Variants in GRIN2B observed in about 807,000 individuals in gnomAD.
GRIN2B encodes glutamate ionotropic receptor NMDA type subunit 2B.
In GRIN2B, 5 loss-of-function variants were observed where a neutral mutation model predicts 114.5. The observed-to-expected ratio is 0.04, with a 90% confidence interval of 0.02 to 0.09. The LOEUF (loss-of-function observed/expected upper bound fraction) is 0.09, where lower values mean the gene tolerates loss of function less well. Ranked by LOEUF, GRIN2B falls within the 10% of genes least tolerant of loss-of-function variation. The pLI is 1.00. For missense variants in GRIN2B, 1,108 were observed against 1,943.5 expected, an observed-to-expected ratio of 0.57 and a Z score of 8.08; for synonymous variants, 787 against 745.1, an observed-to-expected ratio of 1.06 and a Z score of -0.92.
At chr12:13,927,772 A>G (rs1866943617) in intron 2 of GRIN2B, among the ~76,000 whole-genome samples, 1 of 149,068 alleles carries the variant, frequency 6.7e-6, no homozygotes, top group Non-Finnish European at 1.5e-5. Context: ...TGGGCTACAT[A>G]ATGAGACCCC....
At chr12:13,963,773 A>T (rs1007686812) in intron 2 of GRIN2B, among the ~76,000 whole-genome samples, 3 of 152,154 alleles carry the variant, frequency 2.0e-5, no homozygotes, top group African/African-American at 7.2e-5. Context: ...TTACTTCTAG[A>T]TGTTGAATAT....
chr12:13,697,157 C>T (rs1204753593), intron 4 of GRIN2B, among the ~76,000 whole-genome samples: 3 of 152,160 alleles, frequency 2.0e-5, no homozygotes, highest in Non-Finnish European at 4.4e-5. Flanking sequence ...CAAGTTTGCT[C>T]TAAGATGTAA....
At chr12:13,902,019 G>T (rs1035450034) in intron 2 of GRIN2B, among the ~76,000 whole-genome samples, 10 of 152,028 alleles carry the variant, frequency 6.6e-5, no homozygotes, top group African/African-American at 2.4e-4. Flanking sequence ...TAAAAGTGGG[G>T]CTCTGTTTTG....
intron 2 of GRIN2B, among the ~76,000 whole-genome samples, chr12:13,886,172 C>A (rs538185861): frequency 6.6e-6 from 1 of 152,256 alleles, no homozygotes; most frequent in South Asian, 2.1e-4. Flanking sequence ...TCAGTTCACA[C>A]CGTGTTGTAA....
At chr12:13,858,653 C>T (rs1370285297) in intron 3 of GRIN2B, among the ~76,000 whole-genome samples, 1 of 151,602 alleles carries the variant, frequency 6.6e-6, no homozygotes, top group Admixed American at 6.6e-5. Context: ...ATATTTTCTT[C>T]ATGTAATAAT....
intron 2 of GRIN2B, among the ~76,000 whole-genome samples, chr12:13,942,989 T>A (rs940122763): frequency 3.9e-5 from 6 of 152,144 alleles, no homozygotes; most frequent in African/African-American, 1.4e-4. Context: ...CCCATCCCGG[T>A]TCATGGAGAA....
intron 4 of GRIN2B, among the ~76,000 whole-genome samples, chr12:13,709,156 T>C (rs937674211): frequency 6.6e-6 from 1 of 151,932 alleles, no homozygotes; most frequent in African/African-American, 2.4e-5. Context: ...GAGAATAAAA[T>C]ATCAACAGGC....
intron 3 of GRIN2B, among the ~76,000 whole-genome samples, chr12:13,811,885 G>A (rs1864737269): frequency 1.3e-5 from 2 of 152,174 alleles, no homozygotes; most frequent in East Asian, 3.8e-4. Flanking sequence ...GTATGAACAT[G>A]TAGTAAACAT....
chr12:13,948,347 C>T (rs1477632667), intron 2 of GRIN2B, among the ~76,000 whole-genome samples: 1 of 152,152 alleles, frequency 6.6e-6, no homozygotes, highest in East Asian at 1.9e-4. Context: ...GAACAACAAA[C>T]CTTTGTTAGC....
intron 2 of GRIN2B, among the ~76,000 whole-genome samples, chr12:13,868,455 TACAC>T (rs71436778): frequency 0.11 from 15,846 of 148,808 alleles, 888 homozygotes; most frequent in South Asian, 0.17. Context: ...GTGGACAAAG[TACAC>T]ACACACACAC....
At chr12:13,751,603 T>C (rs1863484776) in intron 4 of GRIN2B, among the ~76,000 whole-genome samples, 1 of 152,138 alleles carries the variant, frequency 6.6e-6, no homozygotes, top group Admixed American at 6.5e-5. Context: ...GAATACATCA[T>C]TGACAGGCAG....
intron 10 of GRIN2B, among the ~76,000 whole-genome samples, chr12:13,595,805 T>C (rs547654173): frequency 3.3e-5 from 5 of 152,320 alleles, no homozygotes; most frequent in South Asian, 4.1e-4. Flanking sequence ...GCAGCCCTGA[T>C]TGGCAGAGAG....
chr12:13,594,871 G>A (rs1949053540), intron 10 of GRIN2B, among the ~76,000 whole-genome samples: 1 of 152,118 alleles, frequency 6.6e-6, no homozygotes, highest in South Asian at 2.1e-4. Flanking sequence ...AAAAGGAGCT[G>A]GAGAACTGCT....
intron 2 of GRIN2B, among the ~76,000 whole-genome samples, chr12:13,896,128 G>C (rs1473612250): frequency 1.3e-5 from 2 of 152,162 alleles, no homozygotes; most frequent in African/African-American, 4.8e-5. Context: ...ATCGCAGTGT[G>C]ATTTCAGAGG....
intron 3 of GRIN2B, among the ~76,000 whole-genome samples, chr12:13,861,815 G>A (rs571363657): frequency 6.6e-6 from 1 of 152,078 alleles, no homozygotes; most frequent in Non-Finnish European, 1.5e-5. Context: ...GCTGCTTTTC[G>A]ATTCTCATTC....
intron 4 of GRIN2B, among the ~76,000 whole-genome samples, chr12:13,704,740 T>A (rs1195143605): frequency 6.6e-6 from 1 of 152,192 alleles, no homozygotes; most frequent in Non-Finnish European, 1.5e-5. Flanking sequence ...CTCACAGCAT[T>A]GTTGTGAGAG....
chr12:13,707,704 T>G (rs956888905), intron 4 of GRIN2B, among the ~76,000 whole-genome samples: 2 of 151,926 alleles, frequency 1.3e-5, no homozygotes, highest in African/African-American at 4.8e-5. Flanking sequence ...TTGAGATAGG[T>G]GGAGAATGTG....
intron 2 of GRIN2B, among the ~76,000 whole-genome samples, chr12:13,962,236 G>C (rs140404291): frequency 1.1e-3 from 162 of 152,156 alleles, no homozygotes; most frequent in Middle Eastern, 3.4e-3. Context: ...GAGGAACCAG[G>C]CGGGAGCAGA....
chr12:13,818,264 C>T (rs1406083935), intron 3 of GRIN2B, among the ~76,000 whole-genome samples: 3 of 152,304 alleles, frequency 2.0e-5, no homozygotes, highest in Admixed American at 6.5e-5. Flanking sequence ...AAGGAGCCAG[C>T]GACCCAGTGG....
Sources: gnomAD v4.1 joint callset for allele counts (sites outside exome capture counted in the v4.1 genomes callset) on GRCh38, gnomAD v4.1.1 for gene constraint, MANE v1.5 for transcripts, NCBI Gene and HGNC (gene_info 2026-07-23, HGNC 2026-07-21) for gene names.